Variants in SASH1 observed in about 807,000 individuals in gnomAD.
The protein encoded by SASH1 is SAM and SH3 domain containing 1, also known as SAM and SH3 domain-containing protein 1.
SASH1 carries 44 observed loss-of-function variants against 125.2 expected under a neutral mutation model. The ratio of observed to expected loss-of-function variants is 0.35; its 90% CI spans 0.28 to 0.45. The LOEUF is 0.45. Ranked by LOEUF, SASH1 falls within the 20% of genes least tolerant of loss-of-function variation. SASH1 has a pLI of 1.00. For synonymous variants in SASH1, 639 were observed against 649.1 expected, an observed-to-expected ratio of 0.98 and a Z score of 0.24; for missense variants, 1,426 against 1,614.5, an observed-to-expected ratio of 0.88 and a Z score of 2.00.
intron 2 of SASH1, among the ~76,000 whole-genome samples, chr6:148,399,123 C>G (rs17635148): frequency 6.6e-6 from 1 of 151,162 alleles, no homozygotes; most frequent in Admixed American, 6.6e-5. Flanking sequence ...TGTGCACTTG[C>G]GGAAACCACC....
intron 2 of SASH1, among the ~76,000 whole-genome samples, chr6:148,395,754 T>A (rs536869894): frequency 6.6e-6 from 1 of 152,166 alleles, no homozygotes; most frequent in East Asian, 1.9e-4. Flanking sequence ...TTTTTTTGGC[T>A]GGGAGAAGCT....
At chr6:148,287,694 TGG>T (rs71546203) in intron 1 of SASH1, among the ~76,000 whole-genome samples, 5 of 132,226 alleles carry the variant, frequency 3.8e-5, no homozygotes, top group East Asian at 2.2e-4. Context: ...TGCGTGTGTG[TGG>T]GGGGGTGGGG....
intron 2 of SASH1, among the ~76,000 whole-genome samples, chr6:148,436,806 C>G (rs1235811329): frequency 6.6e-6 from 1 of 152,206 alleles, no homozygotes; most frequent in African/African-American, 2.4e-5. Context: ...TTCACAGAAC[C>G]TGTGAACATC....
At position 148,519,139 on chromosome 6, in the gene SASH1, C is replaced by T. The variant is rs1222783045; in HGVS notation, c.863-408C>T. On this transcript the variant is annotated intron_variant, in intron 9 of 19. Transcript: ENST00000367467. This position sits in a 1 kb window ranked among gnomAD's most constrained non-coding sequence, Gnocchi z 4.8. ...TTTATCACACTCCAACTATAAAAAG[C>T]GACCAGAGCCAACATAAAGGAGTGC... 6.6e-6 allele frequency among the ~76,000 whole-genome samples: 1 copy of T among 152,186 alleles called. No homozygotes were observed. The highest frequency in any genetic ancestry group is 1.5e-5 in the Non-Finnish European group (1 of 68,028).
At chr6:148,394,185 G>T (rs567387829) in intron 2 of SASH1, among the ~76,000 whole-genome samples, 77 of 152,122 alleles carry the variant, frequency 5.1e-4, no homozygotes, top group Non-Finnish European at 9.7e-4. Context: ...GAGTCACTGC[G>T]CTCAGCCTTC....
intron 12 of SASH1, among the ~76,000 whole-genome samples, chr6:148,528,945 A>T (rs1483806719): frequency 6.6e-6 from 1 of 151,904 alleles, no homozygotes; most frequent in African/African-American, 2.4e-5. Context: ...GGATGATGGG[A>T]GACAGTGACA....
the SASH1 span, among the ~76,000 whole-genome samples, chr6:148,210,237 G>A: frequency 6.6e-6 from 1 of 152,166 alleles, no homozygotes; most frequent in Non-Finnish European, 1.5e-5. Flanking sequence ...TGAAAATGCT[G>A]CAAAAACAGA....
At chr6:148,476,584 G>A (rs1778358875) in intron 7 of SASH1, among the ~76,000 whole-genome samples, 2 of 152,172 alleles carry the variant, frequency 1.3e-5, no homozygotes, top group Admixed American at 1.3e-4. Context: ...GAAGGCTGAA[G>A]CAGAAGAATA....
chr6:148,236,477 G>A, the SASH1 span, among the ~76,000 whole-genome samples: 1 of 152,176 alleles, frequency 6.6e-6, no homozygotes, highest in Non-Finnish European at 1.5e-5. Flanking sequence ...CTCCCAGAGT[G>A]CTTGGATTAC....
chr6:148,385,284 A>G (rs1783314972), intron 1 of SASH1, among the ~76,000 whole-genome samples: 1 of 152,148 alleles, frequency 6.6e-6, no homozygotes, highest in Non-Finnish European at 1.5e-5. Context: ...AGGAGCAACA[A>G]ATATATTTTT....
chr6:148,383,385 A>G (rs1345015605), intron 1 of SASH1, among the ~76,000 whole-genome samples: 2 of 152,214 alleles, frequency 1.3e-5, no homozygotes, highest in Admixed American at 1.3e-4. Context: ...CAATGTAAAT[A>G]TAACAGAATT....
rs764442224 is a variant in SASH1 at position 148,546,072 on chromosome 6, C to G, written c.3406C>G (p.Gln1136Glu). The G allele has an allele frequency of 6.2e-6, 10 of 1,614,254 alleles. No individual in the cohort carries two copies. The highest frequency in any genetic ancestry group is 8.5e-6 in the Non-Finnish European group (10 of 1,180,050). Reference sequence around the variant, plus strand: ...GCAGAGATACGCAGAGGACTTGGATCAGCCCGAGCGGGACGTCGCCGCCAA... The same window carrying G: ...GCAGAGATACGCAGAGGACTTGGATGAGCCCGAGCGGGACGTCGCCGCCAA... ...LVQRYAEDLD[Q>E]PERDVAANMD... Residue 1136 changes from glutamine to glutamate, a missense_variant, in exon 19 of 20, where the codon CAG (glutamine) becomes GAG (glutamate). Gln to Glu is a conservative substitution (Grantham distance 29). Transcript: ENST00000367467.
chr6:148,440,336 C>G, intron 3 of SASH1, 22 bp from the exon 4 acceptor site: 1 of 1,613,336 alleles, frequency 6.2e-7, no homozygotes, highest in Non-Finnish European at 8.5e-7. Flanking sequence ...ACCACACTGA[C>G]TATACGAATC....
At chr6:148,488,651 A>T (rs552308528) in intron 8 of SASH1, among the ~76,000 whole-genome samples, 1 of 152,348 alleles carries the variant, frequency 6.6e-6, no homozygotes, top group South Asian at 2.1e-4. Flanking sequence ...TGCCTTTCTC[A>T]TCAACACTTG....
intron 1 of SASH1, among the ~76,000 whole-genome samples, chr6:148,388,513 C>T (rs1321126211): frequency 6.6e-6 from 1 of 152,196 alleles, no homozygotes; most frequent in African/African-American, 2.4e-5. Flanking sequence ...CTTCTTGTCT[C>T]CACACTGTGC....
chr6:148,352,527 G>T (rs1781768436), intron 1 of SASH1, among the ~76,000 whole-genome samples: 1 of 151,926 alleles, frequency 6.6e-6, no homozygotes, highest in Admixed American at 6.6e-5. Context: ...AACCCAGGAG[G>T]TGGAGGTTGC....
chr6:148,477,692 A>ATTTTTTTT (rs71004300), intron 7 of SASH1, among the ~76,000 whole-genome samples: 2 of 95,870 alleles, frequency 2.1e-5, no homozygotes, highest in Non-Finnish European at 3.8e-5. Context: ...CACCTGGCTA[A>ATTTTTTTT]TTTTTTTTTT....
chr6:148,349,241 CTTCTTTCTTTCTTT>C (rs1296965674), intron 1 of SASH1, among the ~76,000 whole-genome samples: 1 of 87,122 alleles, frequency 1.1e-5, no homozygotes, highest in Admixed American at 1.3e-4. Context: ...TTCATTCTTT[CTTCTTTCTTTCTTT>C]TTTTTTTTTT....
the SASH1 span, among the ~76,000 whole-genome samples, chr6:148,261,737 G>A: frequency 6.6e-6 from 1 of 152,136 alleles, no homozygotes. Flanking sequence ...TGCAGGGTAT[G>A]GGGGACAGAC....
Sources: gnomAD v4.1 joint callset for allele counts (sites outside exome capture counted in the v4.1 genomes callset) on GRCh38, gnomAD v4.1.1 for gene constraint, Gnocchi (gnomAD v3.1) non-coding constraint, MANE v1.5 for transcripts, NCBI Gene and HGNC (gene_info 2026-07-23, HGNC 2026-07-21) for gene names.